The following EPN2 variants were observed in gnomAD, a reference collection of about 807,000 sequenced individuals.
EPN2 encodes epsin-2.
EPN2 carries 34 observed loss-of-function variants against 61.7 expected under a neutral mutation model. The observed-to-expected ratio is 0.55, with a 90% CI of 0.42 to 0.73. EPN2 has a LOEUF of 0.73. EPN2 is among the 30% of genes least tolerant of loss of function. The pLI is 0.00. For missense variants in EPN2, 714 were observed against 839.2 expected, an observed-to-expected ratio of 0.85 and a Z score of 1.84; for synonymous variants, 349 against 353.6, an observed-to-expected ratio of 0.99 and a Z score of 0.15.
At chr17:19,254,447 A>C (rs1292653911) in intron 1 of EPN2, among the ~76,000 whole-genome samples, 1 of 152,140 alleles carries the variant, frequency 6.6e-6, no homozygotes, top group African/African-American at 2.4e-5. Context: ...AGGCTGAGGC[A>C]GGAGAATCCC....
chr17:19,296,144 C>T (rs1050415846), intron 4 of EPN2, among the ~76,000 whole-genome samples: 5 of 151,930 alleles, frequency 3.3e-5, no homozygotes, highest in Non-Finnish European at 7.4e-5. Context: ...TGAAGTCATT[C>T]ATTCTATTTT....
At position 19,328,877 on chromosome 17, in the gene EPN2, G is replaced by A; in HGVS notation, c.1314G>A (p.Val438=). 2.5e-6 allele frequency: 4 copies of A among 1,610,830 alleles called. No individual in the cohort carries two copies. Among genetic ancestry groups the A allele is most frequent in the Non-Finnish European group, 3.4e-6 (4 of 1,178,240 alleles). ...AWGAVSTTKP[V]SVSGSFELFS... ...GCGCAGTCTCCACCACCAAGCCCGT[G>A]TCTGTCTCTGGTGAGCCCCTCACTC... The change falls in exon 8 of 11, where the codon GTG becomes GTA. Residue 438 remains valine, a synonymous_variant. Coordinates refer to ENST00000314728, the MANE Select transcript of EPN2 (RefSeq NM_014964.5).
intron 1 of EPN2, chr17:19,274,005 C>G (rs1042952039): frequency 2.0e-5 from 3 of 152,256 alleles, no homozygotes; most frequent in Admixed American, 1.3e-4. Context: ...TCAGCTACCC[C>G]AACTGGGCCT....
intron 4 of EPN2, among the ~76,000 whole-genome samples, chr17:19,293,266 G>C (rs1349312569): frequency 2.0e-5 from 3 of 151,410 alleles, no homozygotes; most frequent in Non-Finnish European, 1.5e-5. Context: ...TGTAATCCCA[G>C]CTACTCAGGA....
intron 7 of EPN2, among the ~76,000 whole-genome samples, chr17:19,325,705 T>C (rs1326626498): frequency 6.6e-6 from 1 of 152,190 alleles, no homozygotes; most frequent in East Asian, 1.9e-4. Context: ...TTCTATTTGA[T>C]GATGTAACTG....
intron 1 of EPN2, among the ~76,000 whole-genome samples, chr17:19,255,297 A>G (rs1422413650): frequency 6.6e-6 from 1 of 151,874 alleles, no homozygotes; most frequent in African/African-American, 2.4e-5. Flanking sequence ...GGAGAGTGTG[A>G]ATTCTCTGGC....
chr17:19,282,516 C>T (rs1223371087), intron 2 of EPN2: 2 of 151,890 alleles, frequency 1.3e-5, no homozygotes, highest in Non-Finnish European at 2.9e-5. Context: ...CTGTTTTGAC[C>T]AGGCTGGCCT....
intron 4 of EPN2, among the ~76,000 whole-genome samples, chr17:19,290,140 T>A (rs935852803): frequency 6.6e-6 from 1 of 152,156 alleles, no homozygotes; most frequent in African/African-American, 2.4e-5. Context: ...TGGCATGTAG[T>A]CAGTGCTCAG....
At chr17:19,325,594 A>G (rs1054259247) in intron 7 of EPN2, among the ~76,000 whole-genome samples, 1 of 152,234 alleles carries the variant, frequency 6.6e-6, no homozygotes, top group African/African-American at 2.4e-5. Context: ...AAGGGCTTCT[A>G]AAAGGAAAAA....
At chr17:19,333,094 G>T (rs3785774) in intron 10 of EPN2, among the ~76,000 whole-genome samples, 146,138 of 152,230 alleles carry the variant, frequency 0.96, 70,549 homozygotes, top group African/African-American at 0.99. Context: ...AGGGGAGGTG[G>T]TTCCCTGGGT....
intron 7 of EPN2, among the ~76,000 whole-genome samples, chr17:19,322,210 G>A (rs1906669905): frequency 6.6e-6 from 1 of 152,214 alleles, no homozygotes; most frequent in Non-Finnish European, 1.5e-5. Flanking sequence ...TGGGGCAGTA[G>A]CAGGAGAAGC....
Position 19,334,076 on chromosome 17 carries a change from C to T in EPN2, c.1748C>T (p.Pro583Leu), listed in dbSNP as rs770827891. The change falls in exon 11 of 11, where the codon CCA becomes CTA. Residue 583 changes from proline to leucine, a missense_variant. Coordinates refer to ENST00000314728, the MANE Select transcript of EPN2 (RefSeq NM_014964.5). This position sits in a 1 kb window ranked among gnomAD's most constrained non-coding sequence, Gnocchi z 4.9. ...LGTSTSFGPG[P>L]GVESMAVASM... is the part of the protein sequence containing the mutation. ...ACCAGCACATCCTTTGGGCCTGGCC[C>T]AGGAGTGGAGTCCATGGCTGTGGCC... The T allele has an allele frequency of 6.2e-7, 1 of 1,610,482 alleles. No homozygotes were observed. The highest frequency in any genetic ancestry group is 8.5e-7 in the Non-Finnish European group (1 of 1,178,372).
intron 1 of EPN2, among the ~76,000 whole-genome samples, chr17:19,264,189 A>G (rs2045172729): frequency 6.6e-6 from 1 of 152,128 alleles, no homozygotes; most frequent in African/African-American, 2.4e-5. Flanking sequence ...AACAACTTTG[A>G]TTTCCTTTTG....
At chr17:19,271,072 G>A (rs2045247896) in intron 1 of EPN2, among the ~76,000 whole-genome samples, 1 of 152,066 alleles carries the variant, frequency 6.6e-6, no homozygotes, top group Non-Finnish European at 1.5e-5. Flanking sequence ...TTTTGCTTCT[G>A]TGTCACATGG....
At chr17:19,326,938 C>G (rs1249941357) in intron 7 of EPN2, among the ~76,000 whole-genome samples, 3 of 152,056 alleles carry the variant, frequency 2.0e-5, no homozygotes, top group East Asian at 3.9e-4. Context: ...TGAAAAGATG[C>G]ACAGCCTCAT....
rs777281233 is a variant in EPN2, at chr17:19,313,293, T to C, written c.1147+14T>C. The C allele has an allele frequency of 4.0e-6, 6 of 1,510,638 alleles. No homozygotes were observed. In the East Asian group the frequency reaches 1.5e-4, roughly 37 times the overall value. The allele number at this position is 1,510,638 out of a possible 1,614,324, so 93.6% of individuals were successfully genotyped here. A position where few individuals can be genotyped will look rare whatever the true frequency, so the allele number is the denominator to read the frequency against. Reference sequence around the variant, plus strand: ...GGCCATCGTTTGGTAAAGACCCCATTACTGGTCTCCCGTGCTTGCCTGCTG... The same window carrying C: ...GGCCATCGTTTGGTAAAGACCCCATCACTGGTCTCCCGTGCTTGCCTGCTG... On this transcript the variant is annotated intron_variant, in intron 7 of 10. Transcript: ENST00000314728.
chr17:19,306,325 G>A (rs1905840133), intron 4 of EPN2: 1 of 152,246 alleles, frequency 6.6e-6, no homozygotes, highest in Admixed American at 6.5e-5. Context: ...TGTCACCAAG[G>A]CAAGAATATC....
rs774251581 is a variant in EPN2, at chr17:19,329,453, G to A, written c.1325-108G>A. On this transcript the variant is annotated intron_variant, in intron 8 of 10. Transcript: ENST00000314728. ...TTCTCCTCCATGAGGTAGGGTAAGC[G>A]GGGAGAGGCCCCTGTTGCCAGCCCA... 7.7e-5 allele frequency: 51 copies of A among 663,184 alleles called. 1 individual carries two copies. In the Middle Eastern group the frequency reaches 2.1e-3, roughly 28 times the overall value. 41.1% of individuals were successfully genotyped at this position (663,184 alleles called of 1,614,324 possible).
At chr17:19,288,739 T>C (rs936874539) in intron 4 of EPN2, among the ~76,000 whole-genome samples, 1 of 152,168 alleles carries the variant, frequency 6.6e-6, no homozygotes, top group African/African-American at 2.4e-5. Context: ...GAATTCCTAG[T>C]CCATCCAGAC....
Sources: allele counts gnomAD v4.1 joint callset (sites outside exome capture counted in the v4.1 genomes callset), GRCh38; gene constraint gnomAD v4.1.1; non-coding constraint Gnocchi (gnomAD v3.1); transcripts MANE v1.5; gene names NCBI Gene and HGNC (gene_info 2026-07-23, HGNC 2026-07-21).